Variants in TENM3 observed in about 807,000 individuals in gnomAD.
TENM3 encodes teneurin transmembrane protein 3.
In TENM3, 63 loss-of-function variants were observed where a neutral mutation model predicts 255.1. That is an observed-to-expected ratio of 0.25 (90% CI 0.20 to 0.30). The LOEUF is 0.30. Ranked by LOEUF, TENM3 falls within the 10% of genes least tolerant of loss-of-function variation. TENM3 has a pLI of 1.00. For synonymous variants in TENM3, 1,306 were observed against 1,322.3 expected (o/e 0.99, Z 0.27); for missense variants, 2,929 against 3,461.1 (o/e 0.85, Z 3.86).
At chr4:182,262,745 G>T (rs13120360) in intron 1 of TENM3, among the ~76,000 whole-genome samples, 1 of 139,142 alleles carries the variant, frequency 7.2e-6, no homozygotes, top group African/African-American at 2.8e-5. Flanking sequence ...TTTTTGAGAC[G>T]GAATCTCGCC....
upstream of TENM3, chr4:182,143,427 G>C (rs755598174): frequency 7.5e-4 from 126 of 167,032 alleles, no homozygotes; most frequent in Non-Finnish European, 1.2e-3. The surrounding 1 kb of genome is among the most constrained non-coding windows in gnomAD (Gnocchi z 4.3). Flanking sequence ...TGCAAAGGAC[G>C]GGCCGCCTAC....
At chr4:181,675,630 G>A in the TENM3 span, among the ~76,000 whole-genome samples, 1 of 152,086 alleles carries the variant, frequency 6.6e-6, no homozygotes, top group South Asian at 2.1e-4. Context: ...GACACTCTAG[G>A]TCCTCGAAAG....
intron 7 of TENM3, among the ~76,000 whole-genome samples, chr4:182,677,932 A>G (rs1164488899): frequency 6.6e-6 from 1 of 152,184 alleles, no homozygotes; most frequent in East Asian, 1.9e-4. Context: ...GATTGGATTA[A>G]GAGATTCATA....
the TENM3 span, among the ~76,000 whole-genome samples, chr4:181,607,254 C>G: frequency 6.6e-6 from 1 of 152,170 alleles, no homozygotes; most frequent in Non-Finnish European, 1.5e-5. Context: ...TTTTTGTTCA[C>G]CAGACTGTCC....
intron 3 of TENM3, among the ~76,000 whole-genome samples, chr4:182,467,544 G>A (rs991088071): frequency 6.6e-6 from 1 of 152,084 alleles, no homozygotes; most frequent in East Asian, 1.9e-4. Flanking sequence ...TGATATCCTG[G>A]GATCTAAAGT....
At chr4:181,852,434 G>A in the TENM3 span, among the ~76,000 whole-genome samples, 1 of 152,078 alleles carries the variant, frequency 6.6e-6, no homozygotes, top group East Asian at 1.9e-4. Flanking sequence ...TCTTTCAGGG[G>A]GCTCACTTTT....
upstream of TENM3, among the ~76,000 whole-genome samples, chr4:182,140,279 G>C (rs1749299804): frequency 6.6e-6 from 1 of 152,198 alleles, no homozygotes; most frequent in Non-Finnish European, 1.5e-5. Context: ...CCAGCCTTTA[G>C]CCTCTGTTCT....
the TENM3 span, among the ~76,000 whole-genome samples, chr4:181,917,854 G>A: frequency 1.3e-5 from 2 of 151,640 alleles, no homozygotes; most frequent in Non-Finnish European, 2.9e-5. Context: ...TAGAGACAGG[G>A]TTTCACCATG....
the TENM3 span, among the ~76,000 whole-genome samples, chr4:181,782,540 A>G: frequency 6.6e-6 from 1 of 152,046 alleles, no homozygotes; most frequent in East Asian, 1.9e-4. Context: ...CTAGCAGTCT[A>G]TCAATTGTGT....
Position 182,785,987 on chromosome 4 carries a change from A to G in TENM3, c.5305-3106A>G, listed in dbSNP as rs201406231. On this transcript the variant is annotated intron_variant, in intron 24 of 27. Transcript: ENST00000511685. ...CTGAATAACAGAGAGCGGTGTCTGG[A>G]AACAGTAAGAATGGTTAAAGCCTTG... Among the ~76,000 whole-genome samples, 574 of 152,330 alleles carry G rather than the reference A, an allele frequency of 3.8e-3. 4 individuals carry two copies. The highest frequency in any genetic ancestry group is 7.0e-3 in the Non-Finnish European group (474 of 68,020).
chr4:182,726,392 T>C (rs1760186823), intron 13 of TENM3, among the ~76,000 whole-genome samples: 1 of 4,396 alleles, frequency 2.3e-4, no homozygotes, highest in South Asian at 6.7e-3. Flanking sequence ...GTGTCTGACC[T>C]GTTAGTTTTT....
chr4:181,873,076 T>G, the TENM3 span, among the ~76,000 whole-genome samples: 1 of 151,326 alleles, frequency 6.6e-6, no homozygotes, highest in Non-Finnish European at 1.5e-5. Flanking sequence ...ATATAAGTAT[T>G]TTTTTTTTCC....
At chr4:181,450,253 A>G in the TENM3 span, among the ~76,000 whole-genome samples, 2 of 152,320 alleles carry the variant, frequency 1.3e-5, no homozygotes, top group South Asian at 4.1e-4. Context: ...CATAACTATA[A>G]TTAATGATAC....
chr4:181,992,672 T>C, the TENM3 span, among the ~76,000 whole-genome samples: 1 of 152,200 alleles, frequency 6.6e-6, no homozygotes, highest in African/African-American at 2.4e-5. Context: ...CAGGTATATT[T>C]TGATCCGTGA....
the TENM3 span, among the ~76,000 whole-genome samples, chr4:181,590,502 T>G: frequency 1.3e-5 from 2 of 151,988 alleles, no homozygotes; most frequent in Non-Finnish European, 2.9e-5. Flanking sequence ...CGAGGAAGGG[T>G]CAAGAAAGGA....
chr4:182,412,233 G>A (rs1770036443), intron 3 of TENM3, among the ~76,000 whole-genome samples: 1 of 152,070 alleles, frequency 6.6e-6, no homozygotes, highest in South Asian at 2.1e-4. Context: ...TTGGAGACTG[G>A]ATGTGTAATA....
chr4:181,587,513 GC>G, the TENM3 span, among the ~76,000 whole-genome samples: 1 of 152,104 alleles, frequency 6.6e-6, no homozygotes, highest in South Asian at 2.1e-4. Context: ...TGATATTTCA[GC>G]CTAAAACCCA....
chr4:182,728,128 C>T (rs4415001), intron 13 of TENM3, among the ~76,000 whole-genome samples: 2 of 152,040 alleles, frequency 1.3e-5, no homozygotes, highest in Non-Finnish European at 2.9e-5. Context: ...GGATTACAAG[C>T]ATGAGCCACT....
At chr4:182,431,850 G>A (rs1011542965) in intron 3 of TENM3, among the ~76,000 whole-genome samples, 1 of 152,020 alleles carries the variant, frequency 6.6e-6, no homozygotes, top group Non-Finnish European at 1.5e-5. Context: ...GCCAAGGCAG[G>A]CAGATCACCT....
Sources: allele counts gnomAD v4.1 joint callset (sites outside exome capture counted in the v4.1 genomes callset), GRCh38; gene constraint gnomAD v4.1.1; non-coding constraint Gnocchi (gnomAD v3.1); transcripts MANE v1.5; gene names NCBI Gene and HGNC (gene_info 2026-07-23, HGNC 2026-07-21).